Variants in RUNX1 observed in about 807,000 individuals in gnomAD.
RUNX1 encodes the protein runt-related transcription factor 1.
RUNX1 carries 19 observed loss-of-function variants against 42.8 expected under a neutral mutation model. That is an observed-to-expected ratio of 0.44 (90% confidence interval 0.31 to 0.65). The LOEUF is 0.65. Among genes scored for constraint, RUNX1 ranks in the 30% least tolerant of loss-of-function variants. The pLI, the probability that RUNX1 is intolerant of heterozygous loss-of-function variation, is 0.07. For missense variants in RUNX1, 528 were observed against 672.0 expected, an observed-to-expected ratio of 0.79 and a Z score of 2.37; for synonymous variants, 271 against 289.4, an observed-to-expected ratio of 0.94 and a Z score of 0.64.
intron 7 of RUNX1, among the ~76,000 whole-genome samples, chr21:34,808,803 G>A (rs758330267): frequency 1.3e-5 from 2 of 152,190 alleles, no homozygotes; most frequent in African/African-American, 4.8e-5. Context: ...AAAGGGCTAC[G>A]TATTTAGGCA....
At chr21:34,962,872 G>A (rs2058691337) in intron 2 of RUNX1, among the ~76,000 whole-genome samples, 1 of 152,194 alleles carries the variant, frequency 6.6e-6, no homozygotes, top group Non-Finnish European at 1.5e-5. Context: ...TTGGCTATGG[G>A]AATAAAATCT....
rs5843694 is a variant in RUNX1, at chr21:34,995,435, C to CTTTT, written c.58+53403_58+53406dup. Among the ~76,000 whole-genome samples the CTTTT allele has an allele frequency of 1.6e-3, 134 of 82,090 alleles. 1 individual carries two copies. Among genetic ancestry groups the CTTTT allele is most frequent in the African/African-American group, 2.4e-3 (50 of 20,786 alleles). 53.9% of individuals were successfully genotyped at this position (82,090 alleles called of 152,430 possible). On this transcript the variant is annotated intron_variant, in intron 2 of 8. Coordinates refer to ENST00000675419, the MANE Select transcript of RUNX1 (RefSeq NM_001754.5). ...AATAAAGGCTGTTACTTTCTGGGAG[C>CTTTT]TTTTTTTTTTTTTTTTTTTTTTTGA...
intron 2 of RUNX1, among the ~76,000 whole-genome samples, chr21:34,923,173 T>A (rs543225072): frequency 6.6e-6 from 1 of 152,328 alleles, no homozygotes; most frequent in East Asian, 1.9e-4. Context: ...CCTTGGCCGT[T>A]AGGACGGGTG....
At chr21:34,949,777 C>T (rs2058593402) in intron 2 of RUNX1, among the ~76,000 whole-genome samples, 1 of 152,228 alleles carries the variant, frequency 6.6e-6, no homozygotes, top group Non-Finnish European at 1.5e-5. Flanking sequence ...CAACGCACAA[C>T]ATATGTTCAC....
intron 2 of RUNX1, among the ~76,000 whole-genome samples, chr21:34,940,265 A>G (rs890425705): frequency 2.6e-5 from 4 of 152,218 alleles, no homozygotes; most frequent in African/African-American, 7.2e-5. Flanking sequence ...CAGTTTCCAC[A>G]TGAGCCCCAG....
intron 6 of RUNX1, 96 bp downstream of exon 6, chr21:34,859,378 T>G (rs148662084): frequency 9.7e-7 from 1 of 1,033,760 alleles, no homozygotes; most frequent in Admixed American, 1.7e-5. Flanking sequence ...GGGGGAAAGG[T>G]TGAACCCAAG....
intron 2 of RUNX1, among the ~76,000 whole-genome samples, chr21:34,897,602 C>T (rs898266388): frequency 4.6e-5 from 7 of 152,040 alleles, no homozygotes; most frequent in African/African-American, 1.2e-4. Context: ...GGTGGTGGGG[C>T]GGGTGAGAGG....
chr21:34,939,155 AT>A (rs750861476), intron 2 of RUNX1, among the ~76,000 whole-genome samples: 2 of 152,222 alleles, frequency 1.3e-5, no homozygotes, highest in Non-Finnish European at 2.9e-5. Context: ...ACATTAGAGA[AT>A]CGTAATGGAT....
chr21:34,854,307 A>G (rs1960330523), intron 6 of RUNX1, among the ~76,000 whole-genome samples: 2 of 152,212 alleles, frequency 1.3e-5, no homozygotes. Flanking sequence ...CCCTTTGATC[A>G]ACCTATTTTA....
At chr21:35,020,095 T>C (rs1159043979) in intron 2 of RUNX1, among the ~76,000 whole-genome samples, 1 of 152,076 alleles carries the variant, frequency 6.6e-6, no homozygotes, top group East Asian at 1.9e-4. Flanking sequence ...GATTTAATAC[T>C]GTATATATAG....
At chr21:34,996,958 T>C (rs1449320613) in intron 2 of RUNX1, among the ~76,000 whole-genome samples, 1 of 152,236 alleles carries the variant, frequency 6.6e-6, no homozygotes, top group Non-Finnish European at 1.5e-5. Flanking sequence ...ACATTTTCCA[T>C]AGGGTTAACA....
chr21:34,992,578 CA>C (rs1233489706), intron 2 of RUNX1, among the ~76,000 whole-genome samples: 1 of 149,416 alleles, frequency 6.7e-6, no homozygotes, highest in African/African-American at 2.5e-5. Flanking sequence ...AATCATTAAA[CA>C]AGTGGTGATT....
intron 2 of RUNX1, among the ~76,000 whole-genome samples, chr21:34,963,580 A>T (rs2058696511): frequency 6.6e-6 from 1 of 152,150 alleles, no homozygotes; most frequent in East Asian, 1.9e-4. Context: ...AAGGAGAAGA[A>T]AAGACCTGAA....
chr21:34,950,056 T>C (rs987598671), intron 2 of RUNX1, among the ~76,000 whole-genome samples: 29 of 152,352 alleles, frequency 1.9e-4, no homozygotes, highest in African/African-American at 7.0e-4. Context: ...TAAAATTAAA[T>C]GATTGTTATA....
intron 2 of RUNX1, among the ~76,000 whole-genome samples, chr21:34,925,090 CTG>C (rs2058383397): frequency 6.6e-6 from 1 of 152,144 alleles, no homozygotes; most frequent in Admixed American, 6.5e-5. Context: ...CATCCCCAAT[CTG>C]TGTTTCCCAG....
chr21:34,925,404 A>G lies in RUNX1; in HGVS notation c.59-32441T>C, dbSNP rs563975383. Reference sequence around the variant, plus strand: ...TATAATCAAGTTAAGATGGGTCATTATGGAGGGTTCTAATCCAAGATGACT... The same window carrying G: ...TATAATCAAGTTAAGATGGGTCATTGTGGAGGGTTCTAATCCAAGATGACT... On this transcript the variant is annotated intron_variant, in intron 2 of 8. Coordinates refer to ENST00000675419, the MANE Select transcript of RUNX1 (RefSeq NM_001754.5). Among the ~76,000 whole-genome samples the G allele has an allele frequency of 1.3e-4, 20 of 152,318 alleles. No homozygotes were observed. The South Asian group carries it at 2.9e-3, about 22-fold the overall frequency.
intron 5 of RUNX1, among the ~76,000 whole-genome samples, chr21:34,874,159 C>T (rs778780839): frequency 7.2e-5 from 11 of 151,838 alleles, no homozygotes; most frequent in South Asian, 2.2e-4. Flanking sequence ...CTTGCACACA[C>T]GCACACACAC....
At chr21:34,838,218 GTGGC>G (rs199687464) in intron 6 of RUNX1, among the ~76,000 whole-genome samples, 4,474 of 152,292 alleles carry the variant, frequency 0.029, 77 homozygotes, top group African/African-American at 0.048. Flanking sequence ...ATTGTGATCT[GTGGC>G]TGTAAGTAAC....
chr21:34,925,115 A>G (rs2058383568), intron 2 of RUNX1, among the ~76,000 whole-genome samples: 1 of 152,214 alleles, frequency 6.6e-6, no homozygotes, highest in Non-Finnish European at 1.5e-5. Context: ...AGTTCTATGC[A>G]GGTGCAATGA....
Sources: gnomAD v4.1 joint callset for allele counts (sites outside exome capture counted in the v4.1 genomes callset) on GRCh38, gnomAD v4.1.1 for gene constraint, MANE v1.5 for transcripts, NCBI Gene and HGNC (gene_info 2026-07-23, HGNC 2026-07-21) for gene names.